IRAK3: variants seen among roughly 807,000 people sequenced by gnomAD.
The protein encoded by IRAK3 is interleukin-1 receptor-associated kinase 3.
In IRAK3, 57 loss-of-function variants were observed where a neutral mutation model predicts 56.6. The ratio of observed to expected loss-of-function variants is 1.01; its 90% CI spans 0.81 to 1.26. The LOEUF (loss-of-function observed/expected upper bound fraction) is 1.26, where lower values mean the gene tolerates loss of function less well. Among genes scored for constraint, IRAK3 ranks in the 50% most tolerant of loss-of-function variants. IRAK3 has a pLI of 0.00. For missense variants in IRAK3, 703 were observed against 719.0 expected, an observed-to-expected ratio of 0.98 and a Z score of 0.25; for synonymous variants, 258 against 255.7, an observed-to-expected ratio of 1.01 and a Z score of -0.09.
rs565420554 is a variant in IRAK3 at position 66,231,768 on chromosome 12, G to C, written c.887+3398G>C. Among the ~76,000 whole-genome samples the C allele has an allele frequency of 3.3e-5, 5 of 152,214 alleles. No individual in the cohort carries two copies. In the East Asian group the frequency reaches 9.6e-4, roughly 29 times the overall value. On this transcript the variant is annotated intron_variant, in intron 8 of 11. Coordinates refer to ENST00000261233, the MANE Select transcript of IRAK3 (RefSeq NM_007199.3). ...CAGTTGGTTGGAAAAGAAAGGACAA[G>C]GTTGGAGAATAAGATAAGGTGAGAC...
chr12:66,216,292 A>T (rs1296900397), intron 5 of IRAK3, among the ~76,000 whole-genome samples: 7 of 152,218 alleles, frequency 4.6e-5, no homozygotes. Flanking sequence ...GGTCTTGTAA[A>T]ATGTAAATTC....
At chr12:66,200,171 A>G (rs2052493114) in intron 1 of IRAK3, among the ~76,000 whole-genome samples, 1 of 152,262 alleles carries the variant, frequency 6.6e-6, no homozygotes, top group African/African-American at 2.4e-5. Flanking sequence ...TTCTGGTACA[A>G]GTTGTAACAG....
chr12:66,250,315 G>A lies in IRAK3; in HGVS notation c.*2144G>A, dbSNP rs1460292378. The A allele has an allele frequency of 6.6e-6, 1 of 152,070 alleles. No homozygotes were observed. The highest frequency in any genetic ancestry group is 2.4e-5 in the African/African-American group (1 of 41,404). The allele number at this position is 152,070 out of a possible 1,614,324, so 9.4% of individuals were successfully genotyped here. A position where few individuals can be genotyped will look rare whatever the true frequency, so the allele number is the denominator to read the frequency against. On this transcript the variant is annotated 3_prime_UTR_variant, in exon 12 of 12. Coordinates refer to ENST00000261233, the MANE Select transcript of IRAK3 (RefSeq NM_007199.3). Reference sequence around the variant, plus strand: ...TTTTATTTTTTTGGTGAGTCAGTATGGTTGGGTTAATCATATTCACATTAG... The same window carrying A: ...TTTTATTTTTTTGGTGAGTCAGTATAGTTGGGTTAATCATATTCACATTAG...
At chr12:66,214,304 A>G (rs2052643445) in intron 5 of IRAK3, among the ~76,000 whole-genome samples, 1 of 151,772 alleles carries the variant, frequency 6.6e-6, no homozygotes, top group Non-Finnish European at 1.5e-5. Context: ...TGGGCGGATC[A>G]CTTGAGGTCA....
chr12:66,205,477 A>G (rs2052549548), intron 2 of IRAK3, among the ~76,000 whole-genome samples: 1 of 152,238 alleles, frequency 6.6e-6, no homozygotes, highest in South Asian at 2.1e-4. Flanking sequence ...GATGTTTCAA[A>G]TTAAATAACA....
rs558453407 is a variant in IRAK3, at chr12:66,252,813, T to G, written c.*4642T>G. 6.6e-6 allele frequency: 1 copy of G among 152,378 alleles called. No individual in the cohort carries two copies. Among genetic ancestry groups the G allele is most frequent in the East Asian group, 1.9e-4 (1 of 5,190 alleles). The allele number at this position is 152,378 out of a possible 1,614,324, so 9.4% of individuals were successfully genotyped here. ...GGTGGACCTCACTTTGCTATTCATATGCACTAAGTAGTTTATGGTGTGCTT... is the reference window on the plus strand; with the variant it reads ...GGTGGACCTCACTTTGCTATTCATAGGCACTAAGTAGTTTATGGTGTGCTT... On this transcript the variant is annotated 3_prime_UTR_variant, in exon 12 of 12. Coordinates refer to ENST00000261233, the MANE Select transcript of IRAK3 (RefSeq NM_007199.3).
chr12:66,203,859 A>G lies in IRAK3; in HGVS notation c.282A>G (p.Gly94=), dbSNP rs2052532281. ...TTTTACAGGTCCTCCAGGAGATGGG[A>G]CATCGTCGAGCTATTCATTTAATTA... The part of the protein sequence containing the change: ...GDLLQVLQEM[G]HRRAIHLITN... The change falls in exon 2 of 12, where the codon GGA becomes GGG. Residue 94 remains glycine, a synonymous_variant. Transcript: ENST00000261233. The G allele has an allele frequency of 1.2e-6, 2 of 1,613,848 alleles. No homozygotes were observed. Among genetic ancestry groups the G allele is most frequent in the African/African-American group, 1.3e-5 (1 of 74,940 alleles).
At chr12:66,220,866 T>G (rs546005088) in intron 6 of IRAK3, among the ~76,000 whole-genome samples, 1 of 152,330 alleles carries the variant, frequency 6.6e-6, no homozygotes, top group Admixed American at 6.5e-5. Flanking sequence ...CTTTCATGGT[T>G]CTATATAAAT....
At chr12:66,237,414 C>T (rs1006680992) in intron 8 of IRAK3, among the ~76,000 whole-genome samples, 9 of 152,050 alleles carry the variant, frequency 5.9e-5, no homozygotes, top group South Asian at 4.2e-4. Flanking sequence ...GCCCATTTGC[C>T]GCTGGAATTA....
chr12:66,248,962 T>C lies in IRAK3; in HGVS notation c.*791T>C, dbSNP rs1467275549. ...TTGTTTAATCTACACCTTTCAACTC[T>C]GGGCCTTCATTCCTGCTGTTTCTTG... On this transcript the variant is annotated 3_prime_UTR_variant, in exon 12 of 12. Transcript: ENST00000261233. 3 of 152,236 alleles carry C rather than the reference T, an allele frequency of 2.0e-5. No individual in the cohort carries two copies. Among genetic ancestry groups the C allele is most frequent in the African/African-American group, 7.2e-5 (3 of 41,448 alleles). 9.4% of individuals were successfully genotyped at this position (152,236 alleles called of 1,614,324 possible).
rs2052668454 is a variant in IRAK3, at chr12:66,215,790, A to AGGTGCG, written c.589-1381_589-1380insGGTGCG. 2.9e-3 allele frequency among the ~76,000 whole-genome samples: 296 copies of AGGTGCG among 103,146 alleles called. 5 individuals are homozygous for AGGTGCG. Among genetic ancestry groups the AGGTGCG allele is most frequent in the African/African-American group, 8.9e-3 (289 of 32,642 alleles). 67.7% of individuals were successfully genotyped at this position (103,146 alleles called of 152,430 possible). A position where few individuals can be genotyped will look rare whatever the true frequency, so the allele number is the denominator to read the frequency against. On this transcript the variant is annotated intron_variant, in intron 5 of 11. Coordinates refer to ENST00000261233, the MANE Select transcript of IRAK3 (RefSeq NM_007199.3). ...CCCCCTATTTTAACCCAACATGCAC[A>AGGTGCG]CACACACACACACACACACACACAC...
At chr12:66,192,571 A>G (rs1012828258) in intron 1 of IRAK3, among the ~76,000 whole-genome samples, 1 of 152,226 alleles carries the variant, frequency 6.6e-6, no homozygotes, top group African/African-American at 2.4e-5. Context: ...CAAATGATAT[A>G]TAATAGGCTG....
chr12:66,206,953 C>G (rs186813049), intron 2 of IRAK3, among the ~76,000 whole-genome samples: 13 of 152,250 alleles, frequency 8.5e-5, no homozygotes, highest in African/African-American at 2.6e-4. Flanking sequence ...TTCCTAGAAA[C>G]CTGTCCATGT....
At chr12:66,197,513 A>G in intron 1 of IRAK3, 2 of 985,132 alleles carry the variant, frequency 2.0e-6, no homozygotes, top group Non-Finnish European at 2.4e-6. Context: ...AGAATGCATC[A>G]TCATTAGAGA....
intron 2 of IRAK3, among the ~76,000 whole-genome samples, chr12:66,207,417 A>G (rs2052567895): frequency 6.6e-6 from 1 of 152,022 alleles, no homozygotes; most frequent in African/African-American, 2.4e-5. Context: ...GGTTGCAGTG[A>G]TCTGAGATTG....
intron 6 of IRAK3, among the ~76,000 whole-genome samples, chr12:66,218,641 A>G (rs527851071): frequency 5.9e-5 from 9 of 152,320 alleles, no homozygotes; most frequent in Admixed American, 5.9e-4. Flanking sequence ...AAAATATTTA[A>G]TTGACAAATA....
At position 66,200,789 on chromosome 12, in the gene IRAK3, C is replaced by A. The variant is rs564398887; in HGVS notation, c.134-2922C>A. Among the ~76,000 whole-genome samples the A allele has an allele frequency of 2.0e-5, 3 of 152,042 alleles. 1 individual carries two copies. Among genetic ancestry groups the A allele is most frequent in the East Asian group, 1.9e-4 (1 of 5,160 alleles). Reference sequence around the variant, plus strand: ...TAGAAACTCCCTAAGAAATTAATGACCTTTGGACTCTAAAACAGACTTTTG... The same window carrying A: ...TAGAAACTCCCTAAGAAATTAATGAACTTTGGACTCTAAAACAGACTTTTG... On this transcript the variant is annotated intron_variant, in intron 1 of 11. Coordinates refer to ENST00000261233, the MANE Select transcript of IRAK3 (RefSeq NM_007199.3).
intron 9 of IRAK3, 88 bp downstream of exon 9, chr12:66,244,772 G>T (rs2053010388): frequency 1.6e-6 from 2 of 1,246,218 alleles, no homozygotes; most frequent in South Asian, 1.2e-5. Context: ...TTTAACTTTT[G>T]ACTCATTGAT....
intron 8 of IRAK3, among the ~76,000 whole-genome samples, chr12:66,232,988 A>ATATTATTATTATTAT (rs147774283): frequency 1.9e-3 from 282 of 149,558 alleles, no homozygotes; most frequent in African/African-American, 6.7e-3. Context: ...TAACCCTTTG[A>ATATTATTATTATTAT]TATTATTATT....
Sources: gnomAD v4.1 joint callset for allele counts (sites outside exome capture counted in the v4.1 genomes callset) on GRCh38, gnomAD v4.1.1 for gene constraint, MANE v1.5 for transcripts, NCBI Gene and HGNC (gene_info 2026-07-23, HGNC 2026-07-21) for gene names.